Variants in PXYLP1 observed in about 807,000 individuals in gnomAD.
The protein encoded by PXYLP1 is 2-phosphoxylose phosphatase 1, also known as acid phosphatase-like 2.
PXYLP1 carries 17 observed loss-of-function variants against 37.9 expected under a neutral mutation model. The ratio of observed to expected loss-of-function variants is 0.45; its 90% CI spans 0.31 to 0.67. The LOEUF is 0.67. Among genes scored for constraint, PXYLP1 ranks in the 30% least tolerant of loss-of-function variants. The pLI, the probability that PXYLP1 is intolerant of heterozygous loss-of-function variation, is 0.07. For missense variants in PXYLP1, 511 were observed against 612.0 expected, an observed-to-expected ratio of 0.84 and a Z score of 1.74; for synonymous variants, 221 against 232.2, an observed-to-expected ratio of 0.95 and a Z score of 0.44.
chr3:141,252,570 C>T lies in PXYLP1; in HGVS notation c.-53-7553C>T, dbSNP rs369316744. ...TAGAGCTCACTCACCAGCAAGAGGACGGCACCAAACCATTCATGCGGGAAC... is the reference window on the plus strand; with the variant it reads ...TAGAGCTCACTCACCAGCAAGAGGATGGCACCAAACCATTCATGCGGGAAC... On this transcript the variant is annotated intron_variant, in intron 1 of 5. Coordinates refer to ENST00000286353, the MANE Select transcript of PXYLP1 (RefSeq NM_001037172.3). 3.2e-4 allele frequency among the ~76,000 whole-genome samples: 49 copies of T among 152,268 alleles called. No homozygotes were observed. In the East Asian group the frequency reaches 8.3e-3, roughly 26 times the overall value.
chr3:141,240,476 G>A (rs574841735), intron 1 of PXYLP1, among the ~76,000 whole-genome samples: 1 of 152,160 alleles, frequency 6.6e-6, no homozygotes, highest in African/African-American at 2.4e-5. Context: ...TGGTGTGTGG[G>A]AGGATTTTGT....
chr3:141,292,284 G>T lies in PXYLP1; in HGVS notation c.522G>T (p.Leu174Phe), dbSNP rs748824433. 1.3e-6 allele frequency: 2 copies of T among 1,594,732 alleles called. No homozygotes were observed. The highest frequency in any genetic ancestry group is 1.7e-6 in the Non-Finnish European group (2 of 1,170,178). The change falls in exon 6 of 6, where the codon TTG becomes TTT. Residue 174 changes from leucine (L) to phenylalanine (F), a missense_variant. By Grantham distance (22) the Leu-to-Phe change is conservative. Transcript: ENST00000286353. The surrounding 1 kb of genome is among the most constrained non-coding windows in gnomAD (Gnocchi z 4.3). ...GTGTTTCAGGAGTTGTGCAGCATTTGCAGAACGGTCAGCTGCTGAGGGATA... is the reference window on the plus strand; with the variant it reads ...GTGTTTCAGGAGTTGTGCAGCATTTTCAGAACGGTCAGCTGCTGAGGGATA... ...ELTQTGVVQH[L>F]QNGQLLRDIY...
chr3:141,260,826 G>A (rs1941378371), intron 2 of PXYLP1, among the ~76,000 whole-genome samples: 1 of 152,216 alleles, frequency 6.6e-6, no homozygotes, highest in South Asian at 2.1e-4. Context: ...GCACACTACA[G>A]CTCACCTAAG....
intron 1 of PXYLP1, among the ~76,000 whole-genome samples, chr3:141,236,761 A>G (rs573508898): frequency 6.6e-6 from 1 of 152,334 alleles, no homozygotes; most frequent in African/African-American, 2.4e-5. Flanking sequence ...TGAAAGTGGC[A>G]GTTGGATTAC....
intron 4 of PXYLP1, among the ~76,000 whole-genome samples, chr3:141,284,417 T>C (rs1942025171): frequency 6.6e-6 from 1 of 152,218 alleles, no homozygotes; most frequent in Non-Finnish European, 1.5e-5. Context: ...GAATGCGGCT[T>C]TACCTCATTT....
At chr3:141,262,680 G>A (rs939675947) in intron 2 of PXYLP1, 40 of 1,532,924 alleles carry the variant, frequency 2.6e-5, no homozygotes, top group Admixed American at 5.9e-5. Flanking sequence ...GTTGGAGATC[G>A]GAAAGATATT....
At chr3:141,276,787 G>A (rs1016870934) in intron 2 of PXYLP1, among the ~76,000 whole-genome samples, 1 of 152,158 alleles carries the variant, frequency 6.6e-6, no homozygotes, top group African/African-American at 2.4e-5. Flanking sequence ...GGAAGCGTCA[G>A]GTTTCTCACA....
chr3:141,290,154 C>G (rs1942166849), intron 5 of PXYLP1, among the ~76,000 whole-genome samples: 1 of 152,132 alleles, frequency 6.6e-6, no homozygotes, highest in Non-Finnish European at 1.5e-5. Context: ...GAGTGCCTAC[C>G]CTGTTGAAGA....
At chr3:141,286,398 G>A (rs1423982632) in intron 4 of PXYLP1, among the ~76,000 whole-genome samples, 1 of 152,206 alleles carries the variant, frequency 6.6e-6, no homozygotes, top group Non-Finnish European at 1.5e-5. Flanking sequence ...GAGGTATAGA[G>A]ATCCTGGTTA....
intron 1 of PXYLP1, among the ~76,000 whole-genome samples, chr3:141,251,054 T>C (rs1941129403): frequency 6.6e-6 from 1 of 152,236 alleles, no homozygotes; most frequent in South Asian, 2.1e-4. Flanking sequence ...GCCTGTGCAC[T>C]TACTCATTAC....
At chr3:141,252,940 G>T (rs770896059) in intron 1 of PXYLP1, among the ~76,000 whole-genome samples, 11 of 152,190 alleles carry the variant, frequency 7.2e-5, no homozygotes, top group Non-Finnish European at 1.2e-4. Flanking sequence ...CCTGCTGAGA[G>T]GGGCAGGGAG....
At chr3:141,248,552 T>C (rs1226187501) in intron 1 of PXYLP1, among the ~76,000 whole-genome samples, 3 of 143,130 alleles carry the variant, frequency 2.1e-5, no homozygotes, top group African/African-American at 5.5e-5. Context: ...CACGTATATA[T>C]ACACACGTGT....
chr3:141,260,034 T>C, intron 1 of PXYLP1, 89 bp from the exon 2 acceptor site: 1 of 883,922 alleles, frequency 1.1e-6, no homozygotes, highest in South Asian at 1.6e-5. Context: ...AATCAGATTA[T>C]TATCAGTTGA....
intron 1 of PXYLP1, among the ~76,000 whole-genome samples, chr3:141,237,057 G>C (rs1008385175): frequency 6.6e-6 from 1 of 152,186 alleles, no homozygotes; most frequent in Non-Finnish European, 1.5e-5. Context: ...GATCTGCTTA[G>C]AGATGGGGAG....
In PXYLP1 at chr3:141,292,830, C is replaced by T. The variant is rs1357413193; in HGVS notation, c.1068C>T (p.Thr356=). ...LLGAHPILNQ[T]IGRMQRATEG... Reference sequence around the variant, plus strand: ...GTGCCCACCCCATCCTGAACCAAACCATCGGCCGGATGCAGCGTGCCACCG... The same window carrying T: ...GTGCCCACCCCATCCTGAACCAAACTATCGGCCGGATGCAGCGTGCCACCG... Residue 356 remains threonine (T), a synonymous_variant, in exon 6 of 6, where the codon ACC becomes ACT. Coordinates refer to ENST00000286353, the MANE Select transcript of PXYLP1 (RefSeq NM_001037172.3). This position sits in a 1 kb window ranked among gnomAD's most constrained non-coding sequence, Gnocchi z 4.3. 2 of 1,613,986 alleles carry T rather than the reference C, an allele frequency of 1.2e-6. No individual in the cohort carries two copies. Among genetic ancestry groups the T allele is most frequent in the African/African-American group, 1.3e-5 (1 of 75,046 alleles).
intron 2 of PXYLP1, among the ~76,000 whole-genome samples, chr3:141,265,351 A>G (rs1323079103): frequency 6.6e-6 from 1 of 152,164 alleles, no homozygotes. Flanking sequence ...AAAAAAAAAA[A>G]AAAGCACATT....
intron 1 of PXYLP1, chr3:141,236,259 ACT>A (rs1940655906): frequency 6.6e-6 from 1 of 151,790 alleles, no homozygotes; most frequent in South Asian, 2.1e-4. Context: ...CAATTTACAC[ACT>A]CATGTTTCAG....
chr3:141,261,744 A>ATGGG (rs890977330), intron 2 of PXYLP1, among the ~76,000 whole-genome samples: 11 of 119,908 alleles, frequency 9.2e-5, no homozygotes, highest in African/African-American at 4.1e-4. Context: ...GTATCCCAGG[A>ATGGG]ACCAGCACTG....
intron 1 of PXYLP1, among the ~76,000 whole-genome samples, chr3:141,248,370 G>A (rs1030336806): frequency 2.0e-5 from 3 of 151,894 alleles, no homozygotes; most frequent in Admixed American, 2.0e-4. Flanking sequence ...GCAGGGAGCT[G>A]GGACTCGAGG....
Sources: allele counts gnomAD v4.1 joint callset (sites outside exome capture counted in the v4.1 genomes callset), GRCh38; gene constraint gnomAD v4.1.1; non-coding constraint Gnocchi (gnomAD v3.1); transcripts MANE v1.5; gene names NCBI Gene and HGNC (gene_info 2026-07-23, HGNC 2026-07-21).